Variants in CACNA1B observed in about 807,000 individuals in gnomAD.
CACNA1B encodes voltage-dependent N-type calcium channel subunit alpha-1B.
CACNA1B carries 70 observed loss-of-function variants against 247.2 expected under a neutral mutation model. The observed-to-expected ratio is 0.28, with a 90% CI of 0.23 to 0.35. The LOEUF is 0.35. Among genes scored for constraint, CACNA1B ranks in the 10% least tolerant of loss-of-function variants. The pLI is 1.00. For missense variants in CACNA1B, 2,367 were observed against 3,197.4 expected, an observed-to-expected ratio of 0.74 and a Z score of 6.26; for synonymous variants, 1,231 against 1,294.4, an observed-to-expected ratio of 0.95 and a Z score of 1.05.
intron 18 of CACNA1B, among the ~76,000 whole-genome samples, chr9:138,015,258 A>G (rs761018197): frequency 4.6e-5 from 7 of 152,062 alleles, no homozygotes; most frequent in East Asian, 1.9e-4. Context: ...CCTCTGTGGC[A>G]TGTCCTCAGC....
intron 34 of CACNA1B, among the ~76,000 whole-genome samples, chr9:138,074,731 G>A (rs1960255868): frequency 6.6e-6 from 1 of 152,250 alleles, no homozygotes; most frequent in African/African-American, 2.4e-5. Context: ...ATGGTAGGGT[G>A]TCGGGGCACA....
At chr9:137,935,374 A>G (rs921374057) in intron 6 of CACNA1B, among the ~76,000 whole-genome samples, 2 of 151,920 alleles carry the variant, frequency 1.3e-5, no homozygotes, top group Admixed American at 6.6e-5. Flanking sequence ...TGTCCTTGCG[A>G]TAGTTTGCTC....
intron 15 of CACNA1B, among the ~76,000 whole-genome samples, chr9:137,994,832 A>G (rs947468046): frequency 6.6e-6 from 1 of 152,222 alleles, no homozygotes; most frequent in Non-Finnish European, 1.5e-5. Context: ...AAATACCACT[A>G]TCATTCTTCA....
Position 138,120,824 on chromosome 9 carries a change from C to T in CACNA1B, c.6432C>T (p.Ser2144=), listed in dbSNP as rs201409760. Residue 2144 remains serine (S), a synonymous_variant, in exon 46 of 47, where the codon TCC becomes TCT. Transcript: ENST00000371372. ...GTGAGCCCCCGAAGCCCAAGCCCTC[C>T]CTCAGCAGCCACCCAACGTCGCCAA... ...GGREPPKPKP[S]LSSHPTSPTA... 2.1e-4 allele frequency: 322 copies of T among 1,568,618 alleles called. 1 individual carries two copies. The African/African-American group carries it at 3.9e-3, about 19-fold the overall frequency.
chr9:138,085,851 G>A (rs1002653237), intron 36 of CACNA1B, among the ~76,000 whole-genome samples: 4 of 151,344 alleles, frequency 2.6e-5, no homozygotes, highest in Non-Finnish European at 1.5e-5. Flanking sequence ...CAAGCAAGAA[G>A]TGAGGGAATT....
intron 20 of CACNA1B, among the ~76,000 whole-genome samples, chr9:138,026,084 A>G (rs1302982443): frequency 1.3e-5 from 2 of 152,122 alleles, no homozygotes; most frequent in Non-Finnish European, 2.9e-5. Flanking sequence ...CCGCACACAC[A>G]GACGTGTGCG....
intron 6 of CACNA1B, among the ~76,000 whole-genome samples, chr9:137,939,608 G>A (rs1957708036): frequency 6.6e-6 from 1 of 151,666 alleles, no homozygotes; most frequent in African/African-American, 2.4e-5. Context: ...GACCATCCTG[G>A]ATAACATGGT....
At chr9:138,060,882 C>T (rs1158449939) in intron 31 of CACNA1B, among the ~76,000 whole-genome samples, 1 of 152,070 alleles carries the variant, frequency 6.6e-6, no homozygotes, top group Non-Finnish European at 1.5e-5. Context: ...CCCACCCTTT[C>T]TAGAGCCCCT....
chr9:137,885,327 C>G (rs1459536866), intron 3 of CACNA1B, among the ~76,000 whole-genome samples: 1 of 152,156 alleles, frequency 6.6e-6, no homozygotes, highest in Non-Finnish European at 1.5e-5. Flanking sequence ...GTGTGCGTAT[C>G]TGTGTGTGGA....
At chr9:138,049,636 G>A (rs1164043404) in intron 24 of CACNA1B, among the ~76,000 whole-genome samples, 3 of 152,076 alleles carry the variant, frequency 2.0e-5, no homozygotes, top group Non-Finnish European at 2.9e-5. Context: ...GGGACCGGGC[G>A]GCACAGCCTC....
In CACNA1B at chr9:137,913,043, G is replaced by C. The variant is rs1957374943; in HGVS notation, c.531-137G>C. The C allele has an allele frequency of 3.0e-6, 2 of 677,182 alleles. No individual in the cohort carries two copies. The highest frequency in any genetic ancestry group is 2.3e-5 in the Admixed American group (1 of 42,964). The allele number at this position is 677,182 out of a possible 1,614,324, so 41.9% of individuals were successfully genotyped here. ...GTGGGGGGACACAGGTGCTGGCCCTGTGGTTGGACAGTGGGGACACAGGAA... is the reference window on the plus strand; with the variant it reads ...GTGGGGGGACACAGGTGCTGGCCCTCTGGTTGGACAGTGGGGACACAGGAA... On this transcript the variant is annotated intron_variant, in intron 3 of 46. Transcript: ENST00000371372. This position sits in a 1 kb window ranked among gnomAD's most constrained non-coding sequence, Gnocchi z 5.2.
At chr9:138,069,656 C>A in intron 31 of CACNA1B, 102 bp from the exon 32 acceptor site, 1 of 858,374 alleles carries the variant, frequency 1.2e-6, no homozygotes, top group Non-Finnish European at 2.0e-6. Flanking sequence ...ACATACAATG[C>A]GAAAACCCAT....
intron 3 of CACNA1B, among the ~76,000 whole-genome samples, chr9:137,894,262 C>T (rs1182008981): frequency 6.6e-6 from 1 of 151,234 alleles, no homozygotes; most frequent in Non-Finnish European, 1.5e-5. Flanking sequence ...CAGGAGCCGT[C>T]CCTTCTCCAC....
intron 36 of CACNA1B, among the ~76,000 whole-genome samples, chr9:138,087,409 A>G (rs1960730941): frequency 6.8e-6 from 1 of 146,088 alleles, no homozygotes; most frequent in South Asian, 2.1e-4. Flanking sequence ...AAAAAGAAAA[A>G]GAAAAAAAAG....
Position 138,023,041 on chromosome 9 carries a change from G to T in CACNA1B, c.2298G>T (p.Ser766=), listed in dbSNP as rs201422396. The change falls in exon 19 of 47, where the codon TCG becomes TCT. Residue 766 remains serine (S), a synonymous_variant. Transcript: ENST00000371372. The stretch of plus-strand genomic sequence containing the variant: ...AGCAGAACTCGGCCAAGGCGCGCTC[G>T]GTGTGGGAGCAGCGGGCCAGCCAGC... ...ARQQNSAKAR[S]VWEQRASQLR... 1 of 1,525,726 alleles carries T rather than the reference G, an allele frequency of 6.6e-7. No homozygotes were observed. Among genetic ancestry groups the T allele is most frequent in the Non-Finnish European group, 8.7e-7 (1 of 1,143,150 alleles). 94.5% of individuals were successfully genotyped at this position (1,525,726 alleles called of 1,614,324 possible). A position where few individuals can be genotyped will look rare whatever the true frequency, so the allele number is the denominator to read the frequency against.
intron 3 of CACNA1B, among the ~76,000 whole-genome samples, chr9:137,901,561 G>C (rs528264271): frequency 6.6e-6 from 1 of 152,166 alleles, no homozygotes; most frequent in Non-Finnish European, 1.5e-5. Context: ...GATTGTCAGA[G>C]TGGACTGGGT....
At chr9:138,036,220 A>G (rs1589083329) in intron 20 of CACNA1B, among the ~76,000 whole-genome samples, 2 of 151,860 alleles carry the variant, frequency 1.3e-5, no homozygotes, top group African/African-American at 4.8e-5. Context: ...GCTCACTGCA[A>G]CCTCCGCCTC....
chr9:137,905,320 T>A (rs1011631964), intron 3 of CACNA1B, among the ~76,000 whole-genome samples: 1 of 149,046 alleles, frequency 6.7e-6, no homozygotes, highest in Non-Finnish European at 1.5e-5. Flanking sequence ...GCCACTGCAC[T>A]CCAGCCTGGG....
In CACNA1B at chr9:138,023,204, C is replaced by G. The variant is rs202073991; in HGVS notation, c.2461C>G (p.Leu821Val). The G allele has an allele frequency of 4.0e-6, 6 of 1,516,560 alleles. No individual in the cohort carries two copies. Among genetic ancestry groups the G allele is most frequent in the Non-Finnish European group, 4.4e-6 (5 of 1,140,442 alleles). 93.9% of individuals were successfully genotyped at this position (1,516,560 alleles called of 1,614,324 possible). The change falls in exon 19 of 47, where the codon CTG becomes GTG. Residue 821 changes from leucine (L) to valine (V), a missense_variant. This residue lies in a region of CACNA1B where 631 missense variants were observed against 631.1 expected (regional missense o/e 1.00). Coordinates refer to ENST00000371372, the MANE Select transcript of CACNA1B (RefSeq NM_000718.4). ...THLDRPLVVE[L>V]GRDGARGPVG... Reference sequence around the variant, plus strand: ...CCTGGACCGGCCGCTGGTGGTGGAGCTGGGCCGCGACGGCGCGCGGGGGCC... The same window carrying G: ...CCTGGACCGGCCGCTGGTGGTGGAGGTGGGCCGCGACGGCGCGCGGGGGCC...
Sources: allele counts gnomAD v4.1 joint callset (sites outside exome capture counted in the v4.1 genomes callset), GRCh38; gene constraint gnomAD v4.1.1; regional missense constraint gnomAD v4.1.1; non-coding constraint Gnocchi (gnomAD v3.1); transcripts MANE v1.5; gene names NCBI Gene and HGNC (gene_info 2026-07-23, HGNC 2026-07-21).